The following TANC2 variants were observed in gnomAD, a reference collection of about 807,000 sequenced individuals.
TANC2 encodes tetratricopeptide repeat, ankyrin repeat and coiled-coil containing 2.
In TANC2, 26 loss-of-function variants were observed where a neutral mutation model predicts 210.5. The ratio of observed to expected loss-of-function variants is 0.12; its 90% CI spans 0.09 to 0.17. The LOEUF (loss-of-function observed/expected upper bound fraction) is 0.17, where lower values mean the gene tolerates loss of function less well. Ranked by LOEUF, TANC2 falls within the 10% of genes least tolerant of loss-of-function variation. The pLI, the probability that TANC2 is intolerant of heterozygous loss-of-function variation, is 1.00. For synonymous variants in TANC2, 931 were observed against 967.1 expected, an observed-to-expected ratio of 0.96 and a Z score of 0.69; for missense variants, 2,129 against 2,608.9, an observed-to-expected ratio of 0.82 and a Z score of 4.01.
chr17:63,262,885 G>A (rs1171675634), intron 8 of TANC2, among the ~76,000 whole-genome samples: 2 of 151,802 alleles, frequency 1.3e-5, no homozygotes, highest in Non-Finnish European at 2.9e-5. Context: ...ACCTCTTCTG[G>A]GTAGTTTTAA....
chr17:63,226,600 A>C (rs1374353538), intron 7 of TANC2, among the ~76,000 whole-genome samples: 1 of 152,112 alleles, frequency 6.6e-6, no homozygotes, highest in African/African-American at 2.4e-5. Flanking sequence ...TTTATTTTTT[A>C]ATTTAATTTT....
intron 8 of TANC2, among the ~76,000 whole-genome samples, chr17:63,248,010 T>C (rs1027935990): frequency 3.3e-4 from 50 of 152,234 alleles, no homozygotes; most frequent in African/African-American, 1.2e-3. Context: ...TGAAAATTTT[T>C]CCAGAACGTA....
chr17:63,035,900 C>T (rs553384643), intron 2 of TANC2, among the ~76,000 whole-genome samples: 1 of 152,208 alleles, frequency 6.6e-6, no homozygotes, highest in East Asian at 1.9e-4. Context: ...TTTAGCTATT[C>T]TGTGTGTAGT....
At chr17:63,149,807 G>C (rs900574749) in intron 4 of TANC2, 4 of 152,092 alleles carry the variant, frequency 2.6e-5, no homozygotes, top group African/African-American at 7.2e-5. Flanking sequence ...CACACTCATA[G>C]CAAAGGTGAG....
Position 63,168,009 on chromosome 17 carries a change from T to C in TANC2, c.433+16629T>C, listed in dbSNP as rs545349891. Among the ~76,000 whole-genome samples, 3 of 152,184 alleles carry C rather than the reference T, an allele frequency of 2.0e-5. No homozygotes were observed. In the South Asian group the frequency reaches 6.2e-4, roughly 32 times the overall value. ...AGCTAGGCATCTAAATACTCCCCTC[T>C]GCAACTAGAGAAATTCCCTAAAAAT... On this transcript the variant is annotated intron_variant, in intron 5 of 27. Coordinates refer to ENST00000689528, the Ensembl canonical transcript of TANC2.
chr17:63,229,063 G>T (rs2145987535), intron 7 of TANC2, among the ~76,000 whole-genome samples: 1 of 152,238 alleles, frequency 6.6e-6, no homozygotes, highest in East Asian at 1.9e-4. Context: ...TTGGCCATGG[G>T]TTTGCATAAA....
intron 4 of TANC2, among the ~76,000 whole-genome samples, chr17:63,146,192 G>GT (rs1299548969): frequency 2.0e-5 from 3 of 151,374 alleles, no homozygotes; most frequent in Admixed American, 6.6e-5. Context: ...GTCTCCTTAG[G>GT]TTTTTTTTCT....
At chr17:63,126,416 CTGT>C (rs1414919297) in intron 4 of TANC2, among the ~76,000 whole-genome samples, 2 of 151,888 alleles carry the variant, frequency 1.3e-5, no homozygotes, top group Admixed American at 1.3e-4. Context: ...GTTGTTGCTG[CTGT>C]TGTTTTTTGA....
At position 62,973,956 on chromosome 17, in the gene TANC2, T is replaced by G. The variant is rs904016432; in HGVS notation, c.-24+7207T>G. On this transcript the variant is annotated intron_variant, in intron 1 of 27. Coordinates refer to ENST00000689528, the Ensembl canonical transcript of TANC2. ...ACTTATTTACATATTGGGTATTGGG[T>G]GCAGCAGCAGAGTTGACTACTAGTT... 2.6e-5 allele frequency among the ~76,000 whole-genome samples: 4 copies of G among 152,222 alleles called. No homozygotes were observed. In the East Asian group the frequency reaches 7.7e-4, roughly 29 times the overall value.
At chr17:63,373,164 G>A (rs947019447) in intron 14 of TANC2, among the ~76,000 whole-genome samples, 1 of 151,970 alleles carries the variant, frequency 6.6e-6, no homozygotes, top group Non-Finnish European at 1.5e-5. Context: ...CCAAAGTGCC[G>A]AGACTACAGG....
intron 9 of TANC2, among the ~76,000 whole-genome samples, chr17:63,299,812 T>A (rs948769574): frequency 5.9e-5 from 9 of 152,188 alleles, no homozygotes; most frequent in African/African-American, 2.2e-4. Context: ...CAATTTTGGC[T>A]TTTATGGCAA....
chr17:63,271,023 T>C (rs2043685243), intron 9 of TANC2, among the ~76,000 whole-genome samples: 1 of 152,218 alleles, frequency 6.6e-6, no homozygotes, highest in Non-Finnish European at 1.5e-5. Flanking sequence ...CTTCATGGTA[T>C]TCCATGGTGT....
At chr17:63,134,299 C>G (rs2039017122) in intron 4 of TANC2, among the ~76,000 whole-genome samples, 1 of 152,164 alleles carries the variant, frequency 6.6e-6, no homozygotes, top group African/African-American at 2.4e-5. Context: ...ACCACCCCCA[C>G]TACCATGGTC....
intron 4 of TANC2, chr17:63,116,963 T>C (rs1295943376): frequency 6.6e-6 from 1 of 152,152 alleles, no homozygotes; most frequent in Admixed American, 6.5e-5. Context: ...TTCACACAGC[T>C]CTGATTCAGA....
intron 4 of TANC2, among the ~76,000 whole-genome samples, chr17:63,127,376 T>C (rs550615848): frequency 1.3e-5 from 2 of 152,360 alleles, no homozygotes; most frequent in African/African-American, 4.8e-5. Context: ...TCTAATTATA[T>C]AATTTTTCCA....
At chr17:63,309,259 A>T (rs1363502284) in intron 9 of TANC2, among the ~76,000 whole-genome samples, 1 of 152,172 alleles carries the variant, frequency 6.6e-6, no homozygotes, top group Non-Finnish European at 1.5e-5. Flanking sequence ...ACAGGATTTT[A>T]AGGTCAAATT....
intron 9 of TANC2, among the ~76,000 whole-genome samples, chr17:63,297,295 A>G (rs1445163436): frequency 6.6e-6 from 1 of 152,156 alleles, no homozygotes; most frequent in Non-Finnish European, 1.5e-5. Context: ...GGAAGTGTCA[A>G]ACGTCCCAAT....
At chr17:63,314,948 C>T (rs946594881) in intron 10 of TANC2, among the ~76,000 whole-genome samples, 51 of 152,286 alleles carry the variant, frequency 3.3e-4, no homozygotes, top group African/African-American at 1.2e-3. Flanking sequence ...CTCTAGATAA[C>T]GACCGCAGCA....
intron 7 of TANC2, among the ~76,000 whole-genome samples, chr17:63,235,414 G>A (rs953299811): frequency 6.6e-6 from 1 of 151,982 alleles, no homozygotes; most frequent in Admixed American, 6.6e-5. Context: ...TTTCCAAAGG[G>A]TTCTGTGATA....
Sources: allele counts gnomAD v4.1 joint callset (sites outside exome capture counted in the v4.1 genomes callset), GRCh38; gene constraint gnomAD v4.1.1; transcripts MANE v1.5; gene names NCBI Gene and HGNC (gene_info 2026-07-23, HGNC 2026-07-21).